Variants in PHF14 observed in about 807,000 individuals in gnomAD.
PHF14 encodes PHD finger protein 14.
A neutral mutation model predicts 117.9 loss-of-function variants in PHF14; 55 were observed. That is an observed-to-expected ratio of 0.47 (90% confidence interval 0.38 to 0.58). The LOEUF is 0.58. Among genes scored for constraint, PHF14 ranks in the 20% least tolerant of loss-of-function variants. The probability of loss-of-function intolerance (pLI) is 0.00; values close to 1 mark genes in which losing one functional copy is unlikely to be tolerated. For synonymous variants in PHF14, 409 were observed against 368.6 expected (o/e 1.11, Z -1.26); for missense variants, 978 against 1,122.2 (o/e 0.87, Z 1.84).
At chr7:11,154,740 G>A (rs987700066) in intron 17 of PHF14, among the ~76,000 whole-genome samples, 18 of 152,122 alleles carry the variant, frequency 1.2e-4, no homozygotes, top group Non-Finnish European at 2.1e-4. Context: ...TCAGATGCCC[G>A]TGGGGTGACT....
chr7:11,099,745 T>G (rs1042955221), intron 16 of PHF14, among the ~76,000 whole-genome samples: 1 of 152,124 alleles, frequency 6.6e-6, no homozygotes, highest in African/African-American at 2.4e-5. Flanking sequence ...AATGAAGACA[T>G]TAACTTCATT....
chr7:11,053,519 A>G (rs1784914472), intron 14 of PHF14, among the ~76,000 whole-genome samples: 1 of 152,050 alleles, frequency 6.6e-6, no homozygotes, highest in Non-Finnish European at 1.5e-5. Flanking sequence ...TTGTTTGAAA[A>G]TGGTAACTAG....
chr7:11,125,467 A>G (rs2128347296), intron 17 of PHF14, among the ~76,000 whole-genome samples: 1 of 152,240 alleles, frequency 6.6e-6, no homozygotes, highest in Middle Eastern at 3.4e-3. Context: ...TATTGAGTAT[A>G]AATACAATTC....
chr7:11,090,437 C>G (rs1012335602), intron 16 of PHF14, among the ~76,000 whole-genome samples: 1 of 152,092 alleles, frequency 6.6e-6, no homozygotes, highest in African/African-American at 2.4e-5. Context: ...TCTTCCAGAC[C>G]CATATTTTCC....
At chr7:11,118,282 AT>A (rs1459404007) in intron 17 of PHF14, among the ~76,000 whole-genome samples, 1 of 151,802 alleles carries the variant, frequency 6.6e-6, no homozygotes, top group Non-Finnish European at 1.5e-5. Context: ...TAAACTTTAG[AT>A]TTCCTCTTTC....
At chr7:10,995,059 C>A (rs149259618) in intron 4 of PHF14, among the ~76,000 whole-genome samples, 1 of 152,162 alleles carries the variant, frequency 6.6e-6, no homozygotes, top group Non-Finnish European at 1.5e-5. Context: ...CTGAGATAGA[C>A]ACAAAAGTTC....
At position 11,082,169 on chromosome 7, in the gene PHF14, C is replaced by T. The variant is rs938357811; in HGVS notation, c.2654+20084C>T. Among the ~76,000 whole-genome samples, 9 of 151,756 alleles carry T rather than the reference C, an allele frequency of 5.9e-5. 1 individual carries two copies. The highest frequency in any genetic ancestry group is 1.2e-4 in the Non-Finnish European group (8 of 67,950). ...GAGTAGCCTAGGCAATGTATCGAGA[C>T]CTTGTCTCTAATAAAATTTTTAAAA... is the stretch of plus-strand genomic sequence containing the variant. On this transcript the variant is annotated intron_variant, in intron 16 of 17. Transcript: ENST00000634607.
chr7:11,036,821 A>G (rs1249737270), intron 9 of PHF14, 133 bp downstream of exon 9: 34 of 995,130 alleles, frequency 3.4e-5, no homozygotes, highest in East Asian at 1.0e-4. Flanking sequence ...TATTTTCCTA[A>G]TATGTTGTGG....
intron 17 of PHF14, among the ~76,000 whole-genome samples, chr7:11,147,885 A>G (rs975428878): frequency 9.8e-5 from 15 of 152,304 alleles, no homozygotes; most frequent in African/African-American, 3.6e-4. Flanking sequence ...CCCACTAGAT[A>G]ACTAAAGATT....
chr7:11,123,479 A>T (rs7794514), intron 17 of PHF14, among the ~76,000 whole-genome samples: 111,450 of 152,078 alleles, frequency 0.73, 42,368 homozygotes, highest in African/African-American at 0.93. Flanking sequence ...GAATTTTGAT[A>T]AACTTTAAAG....
intron 16 of PHF14, chr7:11,110,163 T>G (rs1360653715): frequency 3.3e-5 from 5 of 150,174 alleles, no homozygotes; most frequent in Admixed American, 6.6e-5. Flanking sequence ...TCTTTGTGTG[T>G]TGTTTATGTA....
chr7:11,038,086 T>C lies in PHF14; in HGVS notation c.1981-674T>C, dbSNP rs1372945211. 3.3e-5 allele frequency among the ~76,000 whole-genome samples: 5 copies of C among 152,122 alleles called. No individual in the cohort carries two copies. The East Asian group carries it at 9.6e-4, about 29-fold the overall frequency. On this transcript the variant is annotated intron_variant, in intron 10 of 17. Coordinates refer to ENST00000634607, the MANE Select transcript of PHF14 (RefSeq NM_001007157.2). ...ATACTGCTGAATAATTGGATAGCCT[T>C]GTCTCTCAGTGGTATTGTGGCTTGA...
intron 17 of PHF14, among the ~76,000 whole-genome samples, chr7:11,147,134 C>T (rs141336287): frequency 1.8e-3 from 281 of 152,220 alleles, no homozygotes; most frequent in African/African-American, 5.6e-3. Context: ...GGGCATAAGC[C>T]GCCACACCCA....
At chr7:11,150,561 C>A (rs898574514) in intron 17 of PHF14, among the ~76,000 whole-genome samples, 4 of 152,054 alleles carry the variant, frequency 2.6e-5, no homozygotes, top group African/African-American at 9.7e-5. Context: ...TCTTTCTTCT[C>A]ATTCTTTCAT....
chr7:11,120,093 A>G (rs1787707637), intron 17 of PHF14, among the ~76,000 whole-genome samples: 1 of 151,972 alleles, frequency 6.6e-6, no homozygotes, highest in Non-Finnish European at 1.5e-5. Flanking sequence ...AGTTCTTATA[A>G]TTGGATGCGT....
At chr7:10,990,452 A>G (rs1246601122) in intron 3 of PHF14, among the ~76,000 whole-genome samples, 1 of 152,184 alleles carries the variant, frequency 6.6e-6, no homozygotes, top group Admixed American at 6.5e-5. Context: ...CATATCCTAG[A>G]GGAGAGAGAA....
At chr7:11,061,930 G>C in intron 15 of PHF14, 34 bp from the exon 16 acceptor site, 1 of 1,548,490 alleles carries the variant, frequency 6.5e-7, no homozygotes, top group Non-Finnish European at 8.7e-7. Flanking sequence ...TATTTTGTTT[G>C]TTATGTTTTA....
At chr7:10,981,592 A>C (rs1782045115) in intron 2 of PHF14, among the ~76,000 whole-genome samples, 1 of 152,204 alleles carries the variant, frequency 6.6e-6, no homozygotes, top group African/African-American at 2.4e-5. Flanking sequence ...AACCTCTGTG[A>C]CTGCTCATTT....
At chr7:11,169,046 A>C (rs1422489628) in intron 17 of PHF14, among the ~76,000 whole-genome samples, 1 of 151,682 alleles carries the variant, frequency 6.6e-6, no homozygotes, top group Non-Finnish European at 1.5e-5. Context: ...TAGATGGGGC[A>C]AAAAAATGCC....
Sources: gnomAD v4.1 joint callset for allele counts (sites outside exome capture counted in the v4.1 genomes callset) on GRCh38, gnomAD v4.1.1 for gene constraint, MANE v1.5 for transcripts, NCBI Gene and HGNC (gene_info 2026-07-23, HGNC 2026-07-21) for gene names.